The following TUBGCP3 variants were observed in gnomAD, a reference collection of about 807,000 sequenced individuals.
TUBGCP3 encodes gamma-tubulin complex component 3.
Under a neutral mutation model 123.1 loss-of-function variants are expected in TUBGCP3, and 50 were observed. The ratio of observed to expected loss-of-function variants is 0.41; its 90% confidence interval spans 0.32 to 0.51. TUBGCP3 has a LOEUF of 0.51. Ranked by LOEUF, TUBGCP3 falls within the 20% of genes least tolerant of loss-of-function variation. The pLI, the probability that TUBGCP3 is intolerant of heterozygous loss-of-function variation, is 0.36. For synonymous variants in TUBGCP3, 405 were observed against 413.9 expected, an observed-to-expected ratio of 0.98 and a Z score of 0.26; for missense variants, 882 against 1,127.0, an observed-to-expected ratio of 0.78 and a Z score of 3.11.
In TUBGCP3 at chr13:112,516,572, A is replaced by C; in HGVS notation, c.1954T>G (p.Phe652Val). The change falls in exon 17 of 22, where the codon TTT becomes GTT. Residue 652 changes from phenylalanine (F) to valine (V), a missense_variant. By Grantham distance (50) the Phe-to-Val change is conservative (BLOSUM62 -1). Coordinates refer to ENST00000261965, the MANE Select transcript of TUBGCP3 (RefSeq NM_006322.6). Reference sequence around the variant, plus strand: ...TAGTGGCTCATACATTCTCGAGTAAACACCTGGGATAACAGCAGAAGACAA... The same window carrying C: ...TAGTGGCTCATACATTCTCGAGTAACCACCTGGGATAACAGCAGAAGACAA... ...YHVDGPIATV[F>V]TRECMSHYLR... is the part of the protein sequence containing the mutation. 6.2e-7 allele frequency: 1 copy of C among 1,612,946 alleles called. No homozygotes were observed. Among genetic ancestry groups the C allele is most frequent in the Non-Finnish European group, 8.5e-7 (1 of 1,179,480 alleles).
chr13:112,494,179 C>T lies in TUBGCP3; in HGVS notation c.2449-4482G>A, dbSNP rs928830147. Among the ~76,000 whole-genome samples the T allele has an allele frequency of 8.6e-5, 13 of 151,620 alleles. No homozygotes were observed. The South Asian group carries it at 2.1e-3, about 24-fold the overall frequency. On this transcript the variant is annotated intron_variant, in intron 20 of 21. Coordinates refer to ENST00000261965, the MANE Select transcript of TUBGCP3 (RefSeq NM_006322.6). ...GGAACGGGGCCTGGTGTGCCTGAGACGCTCTAGCTATGGGAACGAGGCCTG... is the reference window on the plus strand; with the variant it reads ...GGAACGGGGCCTGGTGTGCCTGAGATGCTCTAGCTATGGGAACGAGGCCTG...
chr13:112,600,094 A>G, the TUBGCP3 span, among the ~76,000 whole-genome samples: 3 of 152,298 alleles, frequency 2.0e-5, no homozygotes, highest in Admixed American at 2.0e-4. Context: ...CTTCTCCATG[A>G]AATGGATCCT....
At chr13:112,529,498 C>T (rs928266696) in intron 11 of TUBGCP3, among the ~76,000 whole-genome samples, 25 of 152,182 alleles carry the variant, frequency 1.6e-4, no homozygotes, top group Non-Finnish European at 2.9e-5. Flanking sequence ...TCCAGTGCTT[C>T]CTCCATCACA....
chr13:112,529,204 G>A (rs1877371491), intron 11 of TUBGCP3, among the ~76,000 whole-genome samples: 1 of 152,164 alleles, frequency 6.6e-6, no homozygotes, highest in African/African-American at 2.4e-5. Flanking sequence ...CTGGCACACA[G>A]TATGTTATAA....
chr13:112,500,718 G>C (rs985492970), intron 19 of TUBGCP3, among the ~76,000 whole-genome samples: 1 of 152,210 alleles, frequency 6.6e-6, no homozygotes, highest in Non-Finnish European at 1.5e-5. Flanking sequence ...GATTTGGGGA[G>C]AAACTAAGAT....
At chr13:112,510,678 C>T (rs1476011847) in intron 17 of TUBGCP3, among the ~76,000 whole-genome samples, 1 of 152,162 alleles carries the variant, frequency 6.6e-6, no homozygotes, top group African/African-American at 2.4e-5. Flanking sequence ...GAAGTAAGTG[C>T]CGTCGCCACC....
chr13:112,539,700 A>G (rs936545527), intron 11 of TUBGCP3, among the ~76,000 whole-genome samples: 3 of 152,254 alleles, frequency 2.0e-5, no homozygotes, highest in Non-Finnish European at 4.4e-5. Context: ...AAAGACAGGG[A>G]TCATGACATC....
chr13:112,506,522 G>A (rs1881319576), intron 17 of TUBGCP3, among the ~76,000 whole-genome samples: 1 of 152,192 alleles, frequency 6.6e-6, no homozygotes, highest in African/African-American at 2.4e-5. Context: ...AGACCCAGCT[G>A]CCCTCAGACC....
chr13:112,554,990 G>GT lies in TUBGCP3; in HGVS notation c.736dup (p.Thr246AsnfsTer27). The GT allele has an allele frequency of 6.2e-7, 1 of 1,602,496 alleles. No homozygotes were observed. The highest frequency in any genetic ancestry group is 8.5e-7 in the Non-Finnish European group (1 of 1,176,354). On this transcript the variant is annotated frameshift_variant, in exon 7 of 22. Transcript: ENST00000261965. LOFTEE classifies it high-confidence loss of function. ...AATGTCCCTTACCAGAGCTGCTTCTGTAATTTCCATAGTACCTGCAAAATC... is the reference window on the plus strand; with the variant it reads ...AATGTCCCTTACCAGAGCTGCTTCTGTTAATTTCCATAGTACCTGCAAAATC...
intron 1 of TUBGCP3, among the ~76,000 whole-genome samples, chr13:112,581,334 T>TTTTA (rs10700754): frequency 0.35 from 52,989 of 151,876 alleles, 10,501 homozygotes; most frequent in African/African-American, 0.54. Flanking sequence ...TCGGGGTAGT[T>TTTTA]TTTTTCTCCT....
At chr13:112,534,627 G>A (rs907384648) in intron 11 of TUBGCP3, among the ~76,000 whole-genome samples, 1 of 151,890 alleles carries the variant, frequency 6.6e-6, no homozygotes, top group Admixed American at 6.6e-5. Context: ...GAGAGCTACA[G>A]AGCCCTACTT....
chr13:112,522,299 G>T, intron 14 of TUBGCP3, 21 bp downstream of exon 14: 1 of 1,495,534 alleles, frequency 6.7e-7, no homozygotes, highest in Non-Finnish European at 9.0e-7. Context: ...CTTATTTATA[G>T]AAATCAAAAT....
At chr13:112,565,219 AC>A in intron 2 of TUBGCP3, 41 bp from the exon 3 acceptor site, 2 of 1,543,050 alleles carry the variant, frequency 1.3e-6, no homozygotes, top group Non-Finnish European at 1.8e-6. Context: ...AACTACAAAC[AC>A]CAAAATTCAT....
chr13:112,558,881 A>C (rs961803103), intron 4 of TUBGCP3, among the ~76,000 whole-genome samples: 1 of 152,170 alleles, frequency 6.6e-6, no homozygotes, highest in African/African-American at 2.4e-5. Context: ...TGGGGCACAG[A>C]GCACTGGAAT....
intron 19 of TUBGCP3, among the ~76,000 whole-genome samples, chr13:112,499,722 C>T (rs1281192119): frequency 6.6e-6 from 1 of 151,990 alleles, no homozygotes. Context: ...TAAAAGGATA[C>T]CTTAACATGA....
chr13:112,514,974 T>C lies in TUBGCP3; in HGVS notation c.2086+1466A>G, dbSNP rs543592599. Among the ~76,000 whole-genome samples, 72 of 152,226 alleles carry C rather than the reference T, an allele frequency of 4.7e-4. 2 individuals are homozygous for C. The South Asian group carries it at 0.014, about 30-fold the overall frequency. ...AAAAATGGTTCAGAAAAAGTTTCAA[T>C]AGCGAGGGGGAAGGATCAGCAGAAG... On this transcript the variant is annotated intron_variant, in intron 17 of 21. Coordinates refer to ENST00000261965, the MANE Select transcript of TUBGCP3 (RefSeq NM_006322.6).
chr13:112,592,526 T>A (rs371801541), upstream of TUBGCP3, among the ~76,000 whole-genome samples: 115 of 152,264 alleles, frequency 7.6e-4, 2 homozygotes, highest in South Asian at 0.019. This position sits in a 1 kb window ranked among gnomAD's most constrained non-coding sequence, Gnocchi z 4.1. Context: ...AGGGATACTG[T>A]CTCACTGCCC....
chr13:112,540,751 C>T (rs2139147819), intron 11 of TUBGCP3, among the ~76,000 whole-genome samples: 1 of 152,266 alleles, frequency 6.6e-6, no homozygotes, highest in South Asian at 2.1e-4. Context: ...GGAAAGGACA[C>T]CTGGGAATGT....
At position 112,527,413 on chromosome 13, in the gene TUBGCP3, C is replaced by T. The variant is rs376900236; in HGVS notation, c.1407G>A (p.Ser469=). 1.6e-4 allele frequency: 252 copies of T among 1,596,526 alleles called. No homozygotes were observed. Among genetic ancestry groups the T allele is most frequent in the Admixed American group, 4.2e-4 (23 of 55,024 alleles). ...LWHDKYTLRK[S]MIPSFMTMDQ... is the part of the protein sequence containing the mutation. ...CCATCGTCATAAACGAAGGAATCATCGATTTCCTCAAAGTATACTTGTCGT... is the reference window on the plus strand; with the variant it reads ...CCATCGTCATAAACGAAGGAATCATTGATTTCCTCAAAGTATACTTGTCGT... The change falls in exon 12 of 22, where the codon TCG becomes TCA. Residue 469 remains serine, a synonymous_variant. Transcript: ENST00000261965.
Sources: gnomAD v4.1 joint callset for allele counts (sites outside exome capture counted in the v4.1 genomes callset) on GRCh38, gnomAD v4.1.1 for gene constraint, Gnocchi (gnomAD v3.1) non-coding constraint, MANE v1.5 for transcripts, NCBI Gene and HGNC (gene_info 2026-07-23, HGNC 2026-07-21) for gene names.